NDE1: variants seen among roughly 807,000 people sequenced by gnomAD.
The protein encoded by NDE1 is nudE neurodevelopment protein 1, also known as nuclear distribution protein nudE homolog 1.
NDE1 carries 28 observed loss-of-function variants against 43.4 expected under a neutral mutation model. The ratio of observed to expected loss-of-function variants is 0.65; its 90% CI spans 0.48 to 0.89. NDE1 has a LOEUF of 0.89. NDE1 is among the 40% of genes least tolerant of loss of function. NDE1 has a pLI of 0.00. For missense variants in NDE1, 441 were observed against 434.1 expected (o/e 1.02, Z -0.14); for synonymous variants, 184 against 172.0 (o/e 1.07, Z -0.55).
intron 1 of NDE1, among the ~76,000 whole-genome samples, chr16:15,658,305 G>T (rs2036871692): frequency 6.6e-6 from 1 of 152,240 alleles, no homozygotes; most frequent in African/African-American, 2.4e-5. Context: ...GTATGGGTTA[G>T]GCCCATCCTT....
chr16:15,718,238 C>T (rs950475167), intron 8 of NDE1: 18 of 1,599,372 alleles, frequency 1.1e-5, no homozygotes, highest in Admixed American at 3.3e-5. Context: ...AGCCGCCACG[C>T]GTGTGTTGAC....
At chr16:15,645,674 T>C (rs993243312), upstream of NDE1, among the ~76,000 whole-genome samples, 1 of 152,242 alleles carries the variant, frequency 6.6e-6, no homozygotes, top group African/African-American at 2.4e-5. Context: ...GTATCCTCTA[T>C]TAATTGTATT....
chr16:15,650,273 T>A lies in NDE1; in HGVS notation c.-65T>A, dbSNP rs748478695. ...GCCGCCTCTGCCGCCGCCGCCGCGT[T>A]GGCCTCGCCGCCCCTGCTCGGGTAA... On this transcript the variant is annotated 5_prime_UTR_variant, in exon 1 of 9. Transcript: ENST00000396354. 2 of 312,472 alleles carry A rather than the reference T, an allele frequency of 6.4e-6. No individual in the cohort carries two copies. Among genetic ancestry groups the A allele is most frequent in the South Asian group, 4.7e-5 (2 of 42,930 alleles). The allele number at this position is 312,472 out of a possible 1,614,324, so 19.4% of individuals were successfully genotyped here. A position where few individuals can be genotyped will look rare whatever the true frequency, so the allele number is the denominator to read the frequency against.
In NDE1 at chr16:15,720,732, C is replaced by CAA. The variant is rs961111104; in HGVS notation, c.948-3451_948-3450dup. Reference sequence around the variant, plus strand: ...TGGGCGACAGAGCGAGACTCTGTTTCAAAAAAAAATAAAGAAAACGAAGTT... The same window carrying CAA: ...TGGGCGACAGAGCGAGACTCTGTTTCAAAAAAAAAAATAAAGAAAACGAAGTT... On this transcript the variant is annotated intron_variant, in intron 8 of 8. Coordinates refer to ENST00000396354, the MANE Select transcript of NDE1 (RefSeq NM_017668.3). 1.1e-5 allele frequency: 14 copies of CAA among 1,252,510 alleles called. No homozygotes were observed. In the Admixed American group the frequency reaches 1.6e-4, roughly 15 times the overall value. 77.6% of individuals were successfully genotyped at this position (1,252,510 alleles called of 1,614,324 possible). A position where few individuals can be genotyped will look rare whatever the true frequency, so the allele number is the denominator to read the frequency against.
At chr16:15,718,678 C>T (rs1399026997) in intron 8 of NDE1, 2 of 593,444 alleles carry the variant, frequency 3.4e-6, no homozygotes, top group African/African-American at 1.9e-5. Context: ...TCCTCCCTGA[C>T]TCTTCCTGGC....
chr16:15,663,078 T>G (rs2151430556), intron 1 of NDE1, among the ~76,000 whole-genome samples: 1 of 152,274 alleles, frequency 6.6e-6, no homozygotes, highest in African/African-American at 2.4e-5. Context: ...CGTCTGTGAC[T>G]TAGCCCCTTT....
chr16:15,720,327 GA>G, intron 8 of NDE1: 3 of 1,612,160 alleles, frequency 1.9e-6, no homozygotes, highest in Non-Finnish European at 2.5e-6. Flanking sequence ...GCGAGGAATA[GA>G]GATGTGTGCT....
chr16:15,684,836 C>T (rs1211684210), intron 4 of NDE1, among the ~76,000 whole-genome samples: 1 of 152,052 alleles, frequency 6.6e-6, no homozygotes, highest in East Asian at 1.9e-4. Flanking sequence ...ATTTCTGGAC[C>T]TTTGGTTCCT....
At chr16:15,693,287 G>A (rs1342604315) in intron 6 of NDE1, among the ~76,000 whole-genome samples, 1 of 152,158 alleles carries the variant, frequency 6.6e-6, no homozygotes, top group East Asian at 1.9e-4. Context: ...TTACAGGTGT[G>A]AGCTACTGTG....
chr16:15,713,155 T>C (rs1184376112), intron 8 of NDE1: 1 of 151,788 alleles, frequency 6.6e-6, no homozygotes, highest in Non-Finnish European at 1.5e-5. Flanking sequence ...CCTTGCAAAA[T>C]AAGGATTTTT....
chr16:15,679,089 AAAC>A (rs1430069263), intron 4 of NDE1, among the ~76,000 whole-genome samples: 1 of 152,082 alleles, frequency 6.6e-6, no homozygotes, highest in African/African-American at 2.4e-5. Flanking sequence ...AAACAAAACA[AAAC>A]AAAAAACAAC....
chr16:15,675,430 T>G (rs1283461257), intron 3 of NDE1, among the ~76,000 whole-genome samples: 2 of 151,734 alleles, frequency 1.3e-5, no homozygotes, highest in Admixed American at 6.6e-5. Flanking sequence ...TTGGGTTTTT[T>G]TTTTTTTTTG....
intron 4 of NDE1, 93 bp from the exon 5 acceptor site, chr16:15,687,282 G>C (rs753506179): frequency 6.2e-7 from 1 of 1,605,136 alleles, no homozygotes; most frequent in Admixed American, 1.7e-5. Context: ...CTTGTGCCCA[G>C]GTGTGTCTGA....
chr16:15,717,514 GC>G (rs2040225537), intron 8 of NDE1: 7 of 697,924 alleles, frequency 1.0e-5, no homozygotes, highest in East Asian at 8.1e-5. Context: ...CTTCTTCCAG[GC>G]CGGGCGTGGT....
At chr16:15,695,495 CAAA>C (rs3073434) in intron 7 of NDE1, 88,218 of 865,744 alleles carry the variant, frequency 0.1, no homozygotes, top group Middle Eastern at 0.14. Context: ...GACTTGGTCT[CAAA>C]AAAAAAAAAA....
At chr16:15,705,604 G>C (rs1456199379) in intron 8 of NDE1, among the ~76,000 whole-genome samples, 5 of 152,162 alleles carry the variant, frequency 3.3e-5, no homozygotes, top group Non-Finnish European at 7.3e-5. Context: ...CATCAAAGAA[G>C]AGAGCAGACT....
chr16:15,646,822 G>A (rs542691275), upstream of NDE1, among the ~76,000 whole-genome samples: 8 of 151,580 alleles, frequency 5.3e-5, no homozygotes, highest in East Asian at 1.4e-3. Context: ...AGGCTGAGGC[G>A]GGTGGAGCAC....
In NDE1 at chr16:15,717,375, G is replaced by A. The variant is rs1182576822; in HGVS notation, c.948-6816G>A. 3 of 1,601,418 alleles carry A rather than the reference G, an allele frequency of 1.9e-6. No individual in the cohort carries two copies. In the Admixed American group the frequency reaches 5.0e-5, roughly 27 times the overall value. On this transcript the variant is annotated intron_variant, in intron 8 of 8. Coordinates refer to ENST00000396354, the MANE Select transcript of NDE1 (RefSeq NM_017668.3). ...TGGGGAGGAGAGTGAAGGCCATGAGGCGGACTCAGGGAAGCCCAAGAGAGC... is the reference window on the plus strand; with the variant it reads ...TGGGGAGGAGAGTGAAGGCCATGAGACGGACTCAGGGAAGCCCAAGAGAGC...
intron 8 of NDE1, among the ~76,000 whole-genome samples, chr16:15,697,268 C>G (rs936971208): frequency 9.2e-5 from 14 of 152,166 alleles, no homozygotes; most frequent in African/African-American, 2.9e-4. Flanking sequence ...GTCTCAAACT[C>G]TGAGCTTCAA....
Sources: gnomAD v4.1 joint callset for allele counts (sites outside exome capture counted in the v4.1 genomes callset) on GRCh38, gnomAD v4.1.1 for gene constraint, MANE v1.5 for transcripts, NCBI Gene and HGNC (gene_info 2026-07-23, HGNC 2026-07-21) for gene names.